Variants in ATXN7 observed in about 807,000 individuals in gnomAD.
The protein encoded by ATXN7 is ataxin-7.
A neutral mutation model predicts 70.5 loss-of-function variants in ATXN7; 12 were observed. The ratio of observed to expected loss-of-function variants is 0.17; its 90% confidence interval spans 0.11 to 0.28. ATXN7 has a LOEUF of 0.28. Ranked by LOEUF, ATXN7 falls within the 10% of genes least tolerant of loss-of-function variation. ATXN7 has a pLI of 1.00. For synonymous variants in ATXN7, 498 were observed against 448.7 expected (o/e 1.11, Z -1.39); for missense variants, 1,256 against 1,131.7 (o/e 1.11, Z -1.58).
At chr3:63,939,353 T>C (rs936610432) in intron 4 of ATXN7, among the ~76,000 whole-genome samples, 1 of 152,180 alleles carries the variant, frequency 6.6e-6, no homozygotes, top group African/African-American at 2.4e-5. Flanking sequence ...GCCATCCCCA[T>C]GTCTTTCACC....
At chr3:63,876,758 C>G (rs1702758004) in intron 1 of ATXN7, among the ~76,000 whole-genome samples, 1 of 152,074 alleles carries the variant, frequency 6.6e-6, no homozygotes, top group Admixed American at 6.6e-5. Context: ...AATCTGGTAT[C>G]AAGTATTAAT....
At chr3:63,959,125 T>C (rs1246646363) in intron 5 of ATXN7, among the ~76,000 whole-genome samples, 2 of 152,256 alleles carry the variant, frequency 1.3e-5, no homozygotes, top group African/African-American at 4.8e-5. Context: ...ATTTCTCTTC[T>C]GCCTGTTCTA....
chr3:63,941,475 T>C (rs1356292366), intron 4 of ATXN7, among the ~76,000 whole-genome samples: 1 of 152,212 alleles, frequency 6.6e-6, no homozygotes, highest in African/African-American at 2.4e-5. Context: ...TGTCTGATTA[T>C]ATGCGGTGGA....
intron 1 of ATXN7, among the ~76,000 whole-genome samples, chr3:63,871,424 T>G (rs1702587812): frequency 6.6e-6 from 1 of 152,192 alleles, no homozygotes; most frequent in African/African-American, 2.4e-5. Context: ...TTGGGCAATA[T>G]GAACCCAAAG....
chr3:63,998,406 CTT>C (rs1171932721), intron 12 of ATXN7: 1 of 984,818 alleles, frequency 1.0e-6, no homozygotes, highest in Non-Finnish European at 1.2e-6. Flanking sequence ...TTTTTTTTCT[CTT>C]CTTAAATCTG....
intron 2 of ATXN7, among the ~76,000 whole-genome samples, chr3:63,909,028 A>G (rs1195542808): frequency 6.6e-6 from 1 of 152,226 alleles, no homozygotes; most frequent in Non-Finnish European, 1.5e-5. Flanking sequence ...TCACATACTC[A>G]GTGAAATTAC....
chr3:63,922,165 G>A (rs1002217384), intron 4 of ATXN7, among the ~76,000 whole-genome samples: 2 of 152,010 alleles, frequency 1.3e-5, no homozygotes, highest in African/African-American at 2.4e-5. Flanking sequence ...TCAGCCTCCT[G>A]AGTAGCTGGG....
chr3:63,892,909 A>G (rs1418544084), intron 1 of ATXN7, among the ~76,000 whole-genome samples: 1 of 152,172 alleles, frequency 6.6e-6, no homozygotes, highest in Non-Finnish European at 1.5e-5. Context: ...TGAAGTCTAG[A>G]TGTGAGTTAC....
Position 63,912,684 on chromosome 3 carries a change from G to GGCAGCAGCAGCAGCAGCAGCAGCAGCA in ATXN7, c.92_118dup (p.Gln31_Gln39dup), listed in dbSNP as rs193922929. The GGCAGCAGCAGCAGCAGCAGCAGCAGCA allele has an allele frequency of 6.5e-5, 71 of 1,087,128 alleles. No homozygotes were observed. The highest frequency in any genetic ancestry group is 4.2e-4 in the Middle Eastern group (1 of 2,378). The allele number at this position is 1,087,128 out of a possible 1,614,324, so 67.3% of individuals were successfully genotyped here. A position where few individuals can be genotyped will look rare whatever the true frequency, so the allele number is the denominator to read the frequency against. On this transcript the variant is annotated inframe_insertion, in exon 3 of 13. Transcript: ENST00000674280. The stretch of plus-strand genomic sequence containing the variant: ...GGCGGAGCAGCGGCCGCGGCCGCCC[G>GGCAGCAGCAGCAGCAGCAGCAGCAGCA]GCAGCAGCAGCAGCAGCAGCAGCAG...
At chr3:63,971,488 G>C (rs905687108) in intron 5 of ATXN7, among the ~76,000 whole-genome samples, 2 of 152,186 alleles carry the variant, frequency 1.3e-5, no homozygotes, top group African/African-American at 2.4e-5. Flanking sequence ...GGATGGAGTA[G>C]GACCATGTTT....
At chr3:63,899,751 C>G (rs1267624306) in intron 2 of ATXN7, among the ~76,000 whole-genome samples, 3 of 152,130 alleles carry the variant, frequency 2.0e-5, no homozygotes, top group African/African-American at 7.2e-5. Flanking sequence ...CTAGCTGGGA[C>G]TACAGGCGCC....
chr3:63,975,906 T>TC (rs1230871690), intron 5 of ATXN7, among the ~76,000 whole-genome samples: 3 of 152,210 alleles, frequency 2.0e-5, no homozygotes, highest in Non-Finnish European at 4.4e-5. Flanking sequence ...TTGTCTCTGC[T>TC]CTTTTCTTGT....
At chr3:63,878,126 G>A (rs1702799219) in intron 1 of ATXN7, among the ~76,000 whole-genome samples, 2 of 152,188 alleles carry the variant, frequency 1.3e-5, no homozygotes, top group African/African-American at 4.8e-5. Flanking sequence ...CTTCCTCTCT[G>A]CCTGGGCTAG....
chr3:63,995,386 G>A (rs2075740475), intron 11 of ATXN7, 119 bp from the exon 12 acceptor site: 2 of 1,112,600 alleles, frequency 1.8e-6, no homozygotes, highest in South Asian at 3.0e-5. Flanking sequence ...TTGTAGTTCA[G>A]AGTGATTGCT....
At chr3:63,929,639 T>A (rs566268392) in intron 4 of ATXN7, among the ~76,000 whole-genome samples, 6 of 152,194 alleles carry the variant, frequency 3.9e-5, no homozygotes, top group Non-Finnish European at 8.8e-5. Flanking sequence ...CTGGTTGATA[T>A]TAAGTAACTA....
chr3:63,967,337 A>G lies in ATXN7; in HGVS notation c.500-12578A>G, dbSNP rs567600483. ...AAATATGCACAGAAAGTGGGTTCAG[A>G]TATTTTGTTACTAGATTTAGGAAGG... is the stretch of plus-strand genomic sequence containing the variant. On this transcript the variant is annotated intron_variant, in intron 5 of 12. Coordinates refer to ENST00000674280, the MANE Select transcript of ATXN7 (RefSeq NM_001377405.1). 3.3e-5 allele frequency among the ~76,000 whole-genome samples: 5 copies of G among 152,346 alleles called. No individual in the cohort carries two copies. In the South Asian group the frequency reaches 8.3e-4, roughly 25 times the overall value.
At chr3:63,892,487 ACACACACC>A (rs1211841215) in intron 1 of ATXN7, among the ~76,000 whole-genome samples, 1 of 149,082 alleles carries the variant, frequency 6.7e-6, no homozygotes, top group African/African-American at 2.5e-5. Context: ...ACACACACAC[ACACACACC>A]CACACACACA....
intron 4 of ATXN7, among the ~76,000 whole-genome samples, chr3:63,928,904 A>C (rs1469337826): frequency 6.6e-6 from 1 of 152,244 alleles, no homozygotes; most frequent in South Asian, 2.1e-4. Context: ...TAATAGCAGC[A>C]GTAGTGAAGT....
chr3:63,931,085 A>G (rs1446786718), intron 4 of ATXN7, among the ~76,000 whole-genome samples: 5 of 152,100 alleles, frequency 3.3e-5, no homozygotes, highest in African/African-American at 9.7e-5. Context: ...AGTTAATGGT[A>G]TATACAGTAG....
Sources: allele counts gnomAD v4.1 joint callset (sites outside exome capture counted in the v4.1 genomes callset), GRCh38; gene constraint gnomAD v4.1.1; transcripts MANE v1.5; gene names NCBI Gene and HGNC (gene_info 2026-07-23, HGNC 2026-07-21).